Variants in FBN2 observed in about 807,000 individuals in gnomAD.
FBN2 encodes fibrillin-2.
A neutral mutation model predicts 355.6 loss-of-function variants in FBN2; 105 were observed. That is an observed-to-expected ratio of 0.30 (90% CI 0.25 to 0.35). The LOEUF is 0.35. FBN2 is among the 10% of genes least tolerant of loss of function. The pLI, the probability that FBN2 is intolerant of heterozygous loss-of-function variation, is 1.00. For synonymous variants in FBN2, 1,350 were observed against 1,301.2 expected (o/e 1.04, Z -0.81); for missense variants, 3,280 against 3,758.7 (o/e 0.87, Z 3.33).
At chr5:128,500,946 A>T (rs7713044) in intron 5 of FBN2, among the ~76,000 whole-genome samples, 31,926 of 152,194 alleles carry the variant, frequency 0.21, 6,002 homozygotes, top group African/African-American at 0.5. Context: ...CAGTGAAGAC[A>T]GAATTATATC....
intron 5 of FBN2, among the ~76,000 whole-genome samples, chr5:128,516,879 C>A (rs1756294890): frequency 6.6e-6 from 1 of 151,948 alleles, no homozygotes; most frequent in African/African-American, 2.4e-5. Flanking sequence ...TGTATAAATT[C>A]AATTTAAAAC....
chr5:128,422,420 A>C (rs2127018114), intron 7 of FBN2, among the ~76,000 whole-genome samples: 1 of 152,324 alleles, frequency 6.6e-6, no homozygotes, highest in South Asian at 2.1e-4. Flanking sequence ...ATTTACAGTG[A>C]AGAAAGGCAG....
At position 128,460,860 on chromosome 5, in the gene FBN2, G is replaced by A. The variant is rs560994231; in HGVS notation, c.826+3864C>T. ...TACACCTTATACAAAAATCAAGATG[G>A]ATTAAAGACTTAAATGTAAAATCCA... On this transcript the variant is annotated intron_variant, in intron 6 of 64. Transcript: ENST00000262464. 3.3e-5 allele frequency among the ~76,000 whole-genome samples: 5 copies of A among 152,092 alleles called. No individual in the cohort carries two copies. In the South Asian group the frequency reaches 8.3e-4, roughly 25 times the overall value.
intron 33 of FBN2, among the ~76,000 whole-genome samples, chr5:128,330,329 GA>G (rs1207545117): frequency 6.6e-6 from 1 of 152,086 alleles, no homozygotes; most frequent in Non-Finnish European, 1.5e-5. Context: ...ATAAAATGGC[GA>G]GTCATTAACA....
At chr5:128,366,842 T>C (rs1481211388) in intron 16 of FBN2, among the ~76,000 whole-genome samples, 1 of 152,184 alleles carries the variant, frequency 6.6e-6, no homozygotes, top group African/African-American at 2.4e-5. Flanking sequence ...ATTTAGTTAA[T>C]CTTCCCAATA....
At chr5:128,272,351 G>T (rs961704680) in intron 61 of FBN2, among the ~76,000 whole-genome samples, 5 of 151,644 alleles carry the variant, frequency 3.3e-5, no homozygotes, top group Non-Finnish European at 7.4e-5. Flanking sequence ...CCAGACCACG[G>T]CATGTCAGTG....
At chr5:128,380,232 T>G (rs563295941) in intron 11 of FBN2, among the ~76,000 whole-genome samples, 6 of 152,088 alleles carry the variant, frequency 3.9e-5, no homozygotes, top group Non-Finnish European at 8.8e-5. Flanking sequence ...AGCAAGCATA[T>G]AAAGTATAAT....
chr5:128,364,156 A>G (rs1259655560), intron 18 of FBN2, among the ~76,000 whole-genome samples: 1 of 152,186 alleles, frequency 6.6e-6, no homozygotes, highest in African/African-American at 2.4e-5. Flanking sequence ...CTTATAATTA[A>G]AAAAGGAAAT....
intron 11 of FBN2, among the ~76,000 whole-genome samples, chr5:128,381,531 GTGT>G (rs1752235732): frequency 1.3e-5 from 2 of 152,042 alleles, no homozygotes; most frequent in Non-Finnish European, 2.9e-5. Context: ...TTTTTCTGAT[GTGT>G]TGTTTATAAA....
intron 8 of FBN2, among the ~76,000 whole-genome samples, chr5:128,401,206 A>G (rs1752789890): frequency 6.6e-6 from 1 of 152,190 alleles, no homozygotes; most frequent in African/African-American, 2.4e-5. Context: ...AATCCATTCT[A>G]TACCAATCCC....
rs1765281404 is a variant in FBN2 at position 128,272,097 on chromosome 5, T to A, written c.7862A>T (p.Asn2621Ile). 1.2e-6 allele frequency: 2 copies of A among 1,613,976 alleles called. No individual in the cohort carries two copies. The highest frequency in any genetic ancestry group is 1.7e-6 in the Non-Finnish European group (2 of 1,179,932). Residue 2621 changes from asparagine to isoleucine, a missense_variant, in exon 62 of 65, where the codon AAC becomes ATC. Physicochemically the swap from Asn to Ile is moderately radical, Grantham distance 149. Coordinates refer to ENST00000262464, the MANE Select transcript of FBN2 (RefSeq NM_001999.4). Reference protein sequence around the residue: ...NCEDVDECDGNHRCQHGCQNI... With the variant: ...NCEDVDECDGIHRCQHGCQNI... ...CTGGCAGCCGTGTTGGCACCTGTGG[T>A]TCCCATCACATTCATCAACATCTGC...
chr5:128,489,449 C>A (rs1755441054), intron 5 of FBN2, among the ~76,000 whole-genome samples: 1 of 152,042 alleles, frequency 6.6e-6, no homozygotes. Context: ...TGCTTTTAGG[C>A]TGTTTTTCTC....
intron 7 of FBN2, among the ~76,000 whole-genome samples, chr5:128,439,871 AAT>A (rs1753870771): frequency 6.6e-6 from 1 of 152,134 alleles, no homozygotes; most frequent in African/African-American, 2.4e-5. Flanking sequence ...TTGTATACAT[AAT>A]ATTTTATACA....
At chr5:128,492,300 A>G (rs1408905605) in intron 5 of FBN2, among the ~76,000 whole-genome samples, 1 of 152,180 alleles carries the variant, frequency 6.6e-6, no homozygotes, top group African/African-American at 2.4e-5. Flanking sequence ...CCCAAGAATC[A>G]TTTTCTTTTT....
intron 5 of FBN2, among the ~76,000 whole-genome samples, chr5:128,468,704 G>A (rs939153189): frequency 1.3e-5 from 2 of 152,116 alleles, no homozygotes; most frequent in Non-Finnish European, 2.9e-5. Flanking sequence ...GAATTTTGCT[G>A]TAATTTCACA....
At chr5:128,441,945 T>A (rs1753932815) in intron 7 of FBN2, 2 of 152,396 alleles carry the variant, frequency 1.3e-5, no homozygotes, top group African/African-American at 2.4e-5. Context: ...TGGATTTATT[T>A]TTATTTATTT....
At chr5:128,391,714 G>A (rs1752516381) in intron 11 of FBN2, among the ~76,000 whole-genome samples, 2 of 152,032 alleles carry the variant, frequency 1.3e-5, no homozygotes. Context: ...TATATTCATT[G>A]TTACATAGAT....
Position 128,446,486 on chromosome 5 carries a change from C to T in FBN2, c.947G>A (p.Cys316Tyr). 6.2e-7 allele frequency: 1 copy of T among 1,613,836 alleles called. No homozygotes were observed. The highest frequency in any genetic ancestry group is 8.5e-7 in the Non-Finnish European group (1 of 1,179,802). ...CCCAAAGTAGAGAGACTCACCTTCA[C>T]ATTTCTGAGTAGTTTCACTCTGTTT... ...GHKQSETTQK[C>Y]EDIDECSIIP... Residue 316 changes from cysteine (C) to tyrosine (Y), a missense_variant, in exon 7 of 65, where the codon TGT becomes TAT. By Grantham distance (194) the Cys-to-Tyr change is radical (BLOSUM62 -2). Around this residue, in one of 6 missense-constraint regions of FBN2, gnomAD observed 343 missense variants for 331.0 expected, o/e 1.04. Transcript: ENST00000262464.
intron 48 of FBN2, among the ~76,000 whole-genome samples, chr5:128,294,106 C>G (rs1467639476): frequency 6.6e-6 from 1 of 151,688 alleles, no homozygotes; most frequent in African/African-American, 2.4e-5. Flanking sequence ...TTTGTTCTTG[C>G]GATAGTTTAC....
Sources: allele counts gnomAD v4.1 joint callset (sites outside exome capture counted in the v4.1 genomes callset), GRCh38; gene constraint gnomAD v4.1.1; regional missense constraint gnomAD v4.1.1; transcripts MANE v1.5; gene names NCBI Gene and HGNC (gene_info 2026-07-23, HGNC 2026-07-21).